Variants in SENP6 observed in about 807,000 individuals in gnomAD.
The protein encoded by SENP6 is SUMO specific peptidase 6, also known as sentrin-specific protease 6.
A neutral mutation model predicts 134.5 loss-of-function variants in SENP6; 41 were observed. That is an observed-to-expected ratio of 0.30 (90% CI 0.24 to 0.40). SENP6 has a LOEUF of 0.40. Among genes scored for constraint, SENP6 ranks in the 10% least tolerant of loss-of-function variants. The pLI, the probability that SENP6 is intolerant of heterozygous loss-of-function variation, is 1.00. For synonymous variants in SENP6, 395 were observed against 429.8 expected, an observed-to-expected ratio of 0.92 and a Z score of 1.00; for missense variants, 1,248 against 1,312.5, an observed-to-expected ratio of 0.95 and a Z score of 0.76.
intron 19 of SENP6, among the ~76,000 whole-genome samples, chr6:75,708,242 A>G (rs1775533626): frequency 6.6e-6 from 1 of 151,444 alleles, no homozygotes; most frequent in Admixed American, 6.6e-5. Flanking sequence ...TTGTATTTTT[A>G]GTAGAGACAG....
At chr6:75,662,792 C>A (rs886145998) in intron 8 of SENP6, among the ~76,000 whole-genome samples, 1 of 152,088 alleles carries the variant, frequency 6.6e-6, no homozygotes, top group Admixed American at 6.6e-5. Flanking sequence ...GAGGAAACAG[C>A]ACTTTTCCAT....
chr6:75,625,627 G>C (rs1768625422), intron 3 of SENP6, among the ~76,000 whole-genome samples: 1 of 152,178 alleles, frequency 6.6e-6, no homozygotes, highest in African/African-American at 2.4e-5. Flanking sequence ...CCAACACTTT[G>C]GGAGGCCAAA....
chr6:75,636,006 G>C (rs1051265566), intron 5 of SENP6, among the ~76,000 whole-genome samples: 2 of 151,802 alleles, frequency 1.3e-5, no homozygotes, highest in Non-Finnish European at 2.9e-5. Context: ...GGAATTACTA[G>C]TGACCTATTT....
chr6:75,630,005 G>T (rs1325441624), intron 3 of SENP6, among the ~76,000 whole-genome samples: 1 of 151,228 alleles, frequency 6.6e-6, no homozygotes, highest in Non-Finnish European at 1.5e-5. Flanking sequence ...TTTGTTCTTT[G>T]TATCACAAAT....
chr6:75,617,346 T>G (rs1353840152), intron 1 of SENP6, among the ~76,000 whole-genome samples: 1 of 135,874 alleles, frequency 7.4e-6, no homozygotes, highest in East Asian at 2.4e-4. Flanking sequence ...TGATCTTGGC[T>G]CACTGCGACC....
Position 75,633,587 on chromosome 6 carries a change from C to T in SENP6, c.214C>T (p.Arg72Cys), listed in dbSNP as rs868139662. The T allele has an allele frequency of 5.7e-6, 9 of 1,591,344 alleles. No individual in the cohort carries two copies. The highest frequency in any genetic ancestry group is 6.0e-6 in the Non-Finnish European group (7 of 1,172,590). Reference sequence around the variant, plus strand: ...TCTGGATCTTTTTTTACAGTTAAATCGTCGATCTGAAATTGTTGCTAATAG... The same window carrying T: ...TCTGGATCTTTTTTTACAGTTAAATTGTCGATCTGAAATTGTTGCTAATAG... Reference protein sequence around the residue: ...SETSKGKKLNRRSEIVANSSG... With the variant: ...SETSKGKKLNCRSEIVANSSG... Residue 72 changes from arginine to cysteine, a missense_variant, in exon 4 of 24, where the codon CGT becomes TGT. Coordinates refer to ENST00000447266, the MANE Select transcript of SENP6 (RefSeq NM_015571.4).
intron 6 of SENP6, 99 bp from the exon 7 acceptor site, chr6:75,647,632 A>G: frequency 3.2e-6 from 2 of 633,834 alleles, no homozygotes; most frequent in Non-Finnish European, 5.4e-6. Context: ...AGAAGCTATG[A>G]TTTGCTTTTA....
intron 19 of SENP6, among the ~76,000 whole-genome samples, chr6:75,709,314 T>C (rs1471662441): frequency 6.6e-6 from 1 of 152,184 alleles, no homozygotes; most frequent in African/African-American, 2.4e-5. Context: ...TTTAATGAAT[T>C]TTAGCATCTG....
At chr6:75,625,616 C>T (rs954382452) in intron 3 of SENP6, among the ~76,000 whole-genome samples, 2 of 152,186 alleles carry the variant, frequency 1.3e-5, no homozygotes, top group African/African-American at 4.8e-5. Context: ...TGCCAGTAAT[C>T]CCAACACTTT....
chr6:75,623,797 T>A, intron 2 of SENP6, 103 bp from the exon 3 acceptor site: 1 of 960,016 alleles, frequency 1.0e-6, no homozygotes. Context: ...AGAAAAAGTT[T>A]GCTGATTCCC....
At chr6:75,626,738 C>T (rs1323050552) in intron 3 of SENP6, among the ~76,000 whole-genome samples, 1 of 152,144 alleles carries the variant, frequency 6.6e-6, no homozygotes, top group Non-Finnish European at 1.5e-5. Flanking sequence ...AAGGTGTTAA[C>T]ATTAGCCATT....
chr6:75,634,882 C>T (rs1033935416), intron 5 of SENP6, 71 bp downstream of exon 5: 31 of 969,534 alleles, frequency 3.2e-5, no homozygotes, highest in Non-Finnish European at 4.3e-5. Context: ...CTTTTTTTAA[C>T]CATTTTTTTC....
chr6:75,688,545 C>G (rs546789971), intron 16 of SENP6, among the ~76,000 whole-genome samples: 1 of 152,068 alleles, frequency 6.6e-6, no homozygotes, highest in Non-Finnish European at 1.5e-5. Context: ...CCCCACCCCC[C>G]CGTCCAGGAT....
chr6:75,602,709 C>T (rs1004783482), intron 1 of SENP6, 133 bp downstream of exon 1: 81 of 931,670 alleles, frequency 8.7e-5, no homozygotes, highest in Non-Finnish European at 1.3e-4. Flanking sequence ...TGAGCGATGA[C>T]GGGGAGGGAG....
intron 7 of SENP6, among the ~76,000 whole-genome samples, chr6:75,651,826 T>C (rs1278550716): frequency 2.0e-5 from 3 of 152,170 alleles, no homozygotes; most frequent in Non-Finnish European, 4.4e-5. Context: ...TTTTACACTC[T>C]CATTAAAAGA....
intron 3 of SENP6, among the ~76,000 whole-genome samples, chr6:75,630,375 G>A (rs916363993): frequency 1.3e-5 from 2 of 152,098 alleles, no homozygotes; most frequent in Non-Finnish European, 2.9e-5. Flanking sequence ...AACATTTTAG[G>A]TAATTTATCT....
intron 14 of SENP6, 128 bp from the exon 15 acceptor site, chr6:75,678,452 TATC>T: frequency 1.7e-6 from 1 of 596,506 alleles, no homozygotes; most frequent in Non-Finnish European, 3.0e-6. Context: ...AATTGTTAAG[TATC>T]ATGCATACTT....
chr6:75,699,234 G>A (rs9343314), intron 18 of SENP6, among the ~76,000 whole-genome samples: 46,822 of 150,232 alleles, frequency 0.31, 7,871 homozygotes, highest in African/African-American at 0.45. Context: ...CTGCATGGAA[G>A]TTATTATCAG....
At chr6:75,674,860 G>A (rs1772965146) in intron 11 of SENP6, among the ~76,000 whole-genome samples, 2 of 152,166 alleles carry the variant, frequency 1.3e-5, no homozygotes, top group East Asian at 3.9e-4. Context: ...TTTACTATTA[G>A]CATTTTATTG....
Sources: gnomAD v4.1 joint callset for allele counts (sites outside exome capture counted in the v4.1 genomes callset) on GRCh38, gnomAD v4.1.1 for gene constraint, MANE v1.5 for transcripts, NCBI Gene and HGNC (gene_info 2026-07-23, HGNC 2026-07-21) for gene names.